Variants in MACROD2 observed in about 807,000 individuals in gnomAD.
MACROD2 encodes ADP-ribose glycohydrolase MACROD2.
A neutral mutation model predicts 70.4 loss-of-function variants in MACROD2; 36 were observed. The ratio of observed to expected loss-of-function variants is 0.51; its 90% CI spans 0.39 to 0.68. The LOEUF (loss-of-function observed/expected upper bound fraction) is 0.68, where lower values mean the gene tolerates loss of function less well. Among genes scored for constraint, MACROD2 ranks in the 30% least tolerant of loss-of-function variants. The pLI is 0.00. For missense variants in MACROD2, 496 were observed against 538.4 expected (o/e 0.92, Z 0.78); for synonymous variants, 172 against 178.8 (o/e 0.96, Z 0.30).
chr20:14,057,434 T>A (rs2053643450), intron 2 of MACROD2, among the ~76,000 whole-genome samples: 1 of 152,100 alleles, frequency 6.6e-6, no homozygotes, highest in African/African-American at 2.4e-5. Context: ...GACAACCCAA[T>A]AGAATAAATG....
At chr20:15,104,244 C>A (rs956741265) in intron 5 of MACROD2, among the ~76,000 whole-genome samples, 18 of 152,014 alleles carry the variant, frequency 1.2e-4, no homozygotes, top group Admixed American at 1.1e-3. Context: ...GTAGACTCTT[C>A]CAGAAAGAAA....
chr20:14,940,833 A>G lies in MACROD2; in HGVS notation c.418+255874A>G, dbSNP rs76104950. Among the ~76,000 whole-genome samples the G allele has an allele frequency of 5.0e-3, 757 of 152,258 alleles. 28 individuals are homozygous for G. The East Asian group carries it at 0.058, about 12-fold the overall frequency. On this transcript the variant is annotated intron_variant, in intron 5 of 17. Transcript: ENST00000684519. ...GAGAATTTTTGTATCTATGTTAATCAGTGACATTGGCCTGTAGTTTTCTTT... is the reference window on the plus strand; with the variant it reads ...GAGAATTTTTGTATCTATGTTAATCGGTGACATTGGCCTGTAGTTTTCTTT...
In MACROD2 at chr20:14,935,746, C is replaced by T. The variant is rs76796017; in HGVS notation, c.418+250787C>T. Among the ~76,000 whole-genome samples the T allele has an allele frequency of 5.4e-4, 82 of 152,262 alleles. 1 individual carries two copies. The East Asian group carries it at 0.014, about 27-fold the overall frequency. On this transcript the variant is annotated intron_variant, in intron 5 of 17. Coordinates refer to ENST00000684519, the MANE Select transcript of MACROD2 (RefSeq NM_001351661.2). ...TGAACTGCTATCATTGAAGGGAGCA[C>T]GTTAAATCCTTCCAGTCTTCTAGTG...
In MACROD2 at chr20:15,565,630, T is replaced by A. The variant is rs1192032731; in HGVS notation, c.645+65783T>A. On this transcript the variant is annotated intron_variant, in intron 8 of 17. Coordinates refer to ENST00000684519, the MANE Select transcript of MACROD2 (RefSeq NM_001351661.2). ...TTGGTATTCTTTTTTTGTTTGTTTG[T>A]TTAGAGACAAGGTCTCACTCTGTTA... Among the ~76,000 whole-genome samples the A allele has an allele frequency of 1.3e-5, 2 of 152,212 alleles. 1 individual carries two copies. The highest frequency in any genetic ancestry group is 2.9e-5 in the Non-Finnish European group (2 of 68,038).
intron 10 of MACROD2, among the ~76,000 whole-genome samples, chr20:15,895,047 AT>A (rs2064949903): frequency 6.6e-6 from 1 of 152,166 alleles, no homozygotes; most frequent in African/African-American, 2.4e-5. Context: ...TCCATAACCT[AT>A]GTCAAAAGTT....
chr20:14,124,062 T>C (rs551453282), intron 3 of MACROD2, among the ~76,000 whole-genome samples: 16 of 152,216 alleles, frequency 1.1e-4, no homozygotes, highest in Admixed American at 2.6e-4. Context: ...AACTATGTTT[T>C]CTTTGCTCCA....
intron 8 of MACROD2, among the ~76,000 whole-genome samples, chr20:15,603,494 T>G: frequency 8.3e-6 from 1 of 119,884 alleles, no homozygotes; most frequent in East Asian, 2.2e-4. Context: ...GGTGACAGAG[T>G]GAGACGTCTC....
intron 6 of MACROD2, among the ~76,000 whole-genome samples, chr20:15,257,788 G>T (rs2077212734): frequency 6.6e-6 from 1 of 152,002 alleles, no homozygotes; most frequent in Non-Finnish European, 1.5e-5. Context: ...CTACTTTAGA[G>T]TATACTTTTT....
At chr20:14,846,625 C>G (rs2073144386) in intron 5 of MACROD2, among the ~76,000 whole-genome samples, 1 of 151,562 alleles carries the variant, frequency 6.6e-6, no homozygotes, top group African/African-American at 2.4e-5. Context: ...TCACGCCACT[C>G]TCCTGCCTCA....
Position 15,134,030 on chromosome 20 carries a change from C to A in MACROD2, c.419-95910C>A, listed in dbSNP as rs901788231. Among the ~76,000 whole-genome samples the A allele has an allele frequency of 4.7e-5, 7 of 149,296 alleles. No individual in the cohort carries two copies. The East Asian group carries it at 1.2e-3, about 26-fold the overall frequency. Reference sequence around the variant, plus strand: ...CACGCCATTCTCCTGCCTCAGCCTCCCGCGTAGCTGGGAATACAGGTGCCC... The same window carrying A: ...CACGCCATTCTCCTGCCTCAGCCTCACGCGTAGCTGGGAATACAGGTGCCC... On this transcript the variant is annotated intron_variant, in intron 5 of 17. Transcript: ENST00000684519.
intron 7 of MACROD2, among the ~76,000 whole-genome samples, chr20:15,440,761 T>G (rs1280246251): frequency 6.6e-6 from 1 of 152,196 alleles, no homozygotes; most frequent in Non-Finnish European, 1.5e-5. Flanking sequence ...GACAAAATTA[T>G]GCACCCCTTC....
chr20:15,381,359 C>G (rs376309214), intron 6 of MACROD2, among the ~76,000 whole-genome samples: 1 of 151,586 alleles, frequency 6.6e-6, no homozygotes, highest in Non-Finnish European at 1.5e-5. Flanking sequence ...CAGACTATAT[C>G]CCCCACAACT....
chr20:14,247,516 T>C (rs1334806796), intron 3 of MACROD2, among the ~76,000 whole-genome samples: 2 of 152,218 alleles, frequency 1.3e-5, no homozygotes, highest in Non-Finnish European at 1.5e-5. Context: ...TAGCCACATG[T>C]TATTTGGAGA....
At chr20:15,479,765 C>T (rs1235481765) in intron 7 of MACROD2, among the ~76,000 whole-genome samples, 1 of 152,122 alleles carries the variant, frequency 6.6e-6, no homozygotes, top group Non-Finnish European at 1.5e-5. Flanking sequence ...GCAGAATGGT[C>T]TTTATTTTTC....
intron 5 of MACROD2, among the ~76,000 whole-genome samples, chr20:15,042,853 G>A (rs954702946): frequency 6.6e-6 from 1 of 152,130 alleles, no homozygotes; most frequent in Non-Finnish European, 1.5e-5. Context: ...AAGGAATGAG[G>A]GAATATAGAT....
At chr20:15,120,826 T>A (rs2076024719) in intron 5 of MACROD2, among the ~76,000 whole-genome samples, 1 of 152,182 alleles carries the variant, frequency 6.6e-6, no homozygotes, top group African/African-American at 2.4e-5. Context: ...AATAGCCTAC[T>A]CTAGTGAACT....
At position 15,211,386 on chromosome 20, in the gene MACROD2, C is replaced by T. The variant is rs139735404; in HGVS notation, c.419-18554C>T. Among the ~76,000 whole-genome samples, 766 of 152,142 alleles carry T rather than the reference C, an allele frequency of 5.0e-3. 6 individuals are homozygous for T. Among genetic ancestry groups the T allele is most frequent in the African/African-American group, 0.011 (447 of 41,512 alleles). Reference sequence around the variant, plus strand: ...TTCCATTTTGAGCTATTATAAATAACGCAGCTGATGTGGTTTAGATCTTTG... The same window carrying T: ...TTCCATTTTGAGCTATTATAAATAATGCAGCTGATGTGGTTTAGATCTTTG... On this transcript the variant is annotated intron_variant, in intron 5 of 17. Coordinates refer to ENST00000684519, the MANE Select transcript of MACROD2 (RefSeq NM_001351661.2).
intron 5 of MACROD2, among the ~76,000 whole-genome samples, chr20:14,697,571 AG>A (rs1038406895): frequency 6.6e-6 from 1 of 152,170 alleles, no homozygotes; most frequent in African/African-American, 2.4e-5. Flanking sequence ...TCACACTACA[AG>A]TAATATCTTA....
At chr20:15,547,394 A>T (rs111346533) in intron 8 of MACROD2, among the ~76,000 whole-genome samples, 13 of 152,164 alleles carry the variant, frequency 8.5e-5, no homozygotes, top group Non-Finnish European at 1.6e-4. Flanking sequence ...TAATATGCCT[A>T]TCGCCATCAT....
Sources: allele counts gnomAD v4.1 joint callset (sites outside exome capture counted in the v4.1 genomes callset), GRCh38; gene constraint gnomAD v4.1.1; transcripts MANE v1.5; gene names NCBI Gene and HGNC (gene_info 2026-07-23, HGNC 2026-07-21).